Variants in ZNF395 observed in about 807,000 individuals in gnomAD.
The protein encoded by ZNF395 is zinc finger protein 395, also known as HD gene regulatory region-binding protein 2.
Under a neutral mutation model 57.7 loss-of-function variants are expected in ZNF395, and 20 were observed. The observed-to-expected ratio is 0.35, with a 90% CI of 0.24 to 0.50. The LOEUF (loss-of-function observed/expected upper bound fraction) is 0.50. Among genes scored for constraint, ZNF395 ranks in the 20% least tolerant of loss-of-function variants. The probability of loss-of-function intolerance (pLI) is 0.97; values close to 1 mark genes in which losing one functional copy is unlikely to be tolerated. For missense variants in ZNF395, 606 were observed against 671.2 expected, an observed-to-expected ratio of 0.90 and a Z score of 1.07; for synonymous variants, 295 against 275.9, an observed-to-expected ratio of 1.07 and a Z score of -0.69.
intron 1 of ZNF395, among the ~76,000 whole-genome samples, chr8:28,377,748 CTTTTTTTTTTTTT>C (rs71549661): frequency 3.0e-5 from 3 of 100,634 alleles, no homozygotes; most frequent in African/African-American, 1.4e-4. Context: ...GATGATCCCA[CTTTTTTTTTTTTT>C]TTTTTTTTTT....
At position 28,348,669 on chromosome 8, in the gene ZNF395, G is replaced by T; in HGVS notation, c.*50C>A. ...AGGGCTGGTGACACACTGGCCTCTT[G>T]TCAGTGGCTGCCGGCAGGGCCAGGA... On this transcript the variant is annotated 3_prime_UTR_variant, in exon 10 of 10. Coordinates refer to ENST00000344423, the MANE Select transcript of ZNF395 (RefSeq NM_018660.3). 1 of 1,541,390 alleles carries T rather than the reference G, an allele frequency of 6.5e-7. No individual in the cohort carries two copies. The highest frequency in any genetic ancestry group is 9.0e-7 in the Non-Finnish European group (1 of 1,114,834).
In ZNF395 at chr8:28,348,651, G is replaced by A; in HGVS notation, c.*68C>T. ...CTCTTTCGGTTTCTGCTGAGGGCTGGTGACACACTGGCCTCTTGTCAGTGG... is the reference window on the plus strand; with the variant it reads ...CTCTTTCGGTTTCTGCTGAGGGCTGATGACACACTGGCCTCTTGTCAGTGG... On this transcript the variant is annotated 3_prime_UTR_variant, in exon 10 of 10. Transcript: ENST00000344423. The A allele has an allele frequency of 7.1e-7, 1 of 1,401,936 alleles. No homozygotes were observed. Among genetic ancestry groups the A allele is most frequent in the Non-Finnish European group, 1.0e-6 (1 of 987,454 alleles). The allele number at this position is 1,401,936 out of a possible 1,614,324, so 86.8% of individuals were successfully genotyped here. A position where few individuals can be genotyped will look rare whatever the true frequency, so the allele number is the denominator to read the frequency against.
In ZNF395 at chr8:28,356,877, T is replaced by C. The variant is rs1801787155; in HGVS notation, c.474-98A>G. ...ACCACTTCTGGCTGGTTTCACACAA[T>C]CATCTTACACTTCTGGACTGTCCCC... is the stretch of plus-strand genomic sequence containing the variant. On this transcript the variant is annotated intron_variant, in intron 3 of 9. Transcript: ENST00000344423. This position sits in a 1 kb window ranked among gnomAD's most constrained non-coding sequence, Gnocchi z 4.0. 1.1e-6 allele frequency: 1 copy of C among 939,740 alleles called. No homozygotes were observed. The highest frequency in any genetic ancestry group is 1.6e-5 in the South Asian group (1 of 63,138). 58.2% of individuals were successfully genotyped at this position (939,740 alleles called of 1,614,324 possible).
intron 1 of ZNF395, among the ~76,000 whole-genome samples, chr8:28,382,100 C>T (rs962776077): frequency 2.0e-5 from 3 of 152,090 alleles, no homozygotes; most frequent in African/African-American, 4.8e-5. Flanking sequence ...CAAAGCAAAA[C>T]GCCTACAGGA....
chr8:28,370,410 A>G (rs1242224781), intron 1 of ZNF395, among the ~76,000 whole-genome samples: 1 of 152,228 alleles, frequency 6.6e-6, no homozygotes, highest in Non-Finnish European at 1.5e-5. Context: ...CTCTGGAGGA[A>G]GCCATTTAAG....
In ZNF395 at chr8:28,356,527, A is replaced by G; in HGVS notation, c.583+143T>C. 1.7e-6 allele frequency: 1 copy of G among 604,278 alleles called. No homozygotes were observed. Among genetic ancestry groups the G allele is most frequent in the Non-Finnish European group, 2.9e-6 (1 of 341,416 alleles). The allele number at this position is 604,278 out of a possible 1,614,324, so 37.4% of individuals were successfully genotyped here. On this transcript the variant is annotated intron_variant, in intron 4 of 9. Coordinates refer to ENST00000344423, the MANE Select transcript of ZNF395 (RefSeq NM_018660.3). This position sits in a 1 kb window ranked among gnomAD's most constrained non-coding sequence, Gnocchi z 4.0. ...GGAAGCATCTAACTCCATGGCATGC[A>G]GCCGGTCAGAGGTGCCAGTGGGAGG...
At chr8:28,357,941 A>C (rs1182400387) in intron 3 of ZNF395, among the ~76,000 whole-genome samples, 1 of 152,066 alleles carries the variant, frequency 6.6e-6, no homozygotes, top group Non-Finnish European at 1.5e-5. Flanking sequence ...AGAAATTAGG[A>C]TATATATTCT....
Position 28,359,664 on chromosome 8 carries a change from G to C in ZNF395, c.401C>G (p.Ala134Gly). 1 of 1,613,918 alleles carries C rather than the reference G, an allele frequency of 6.2e-7. No homozygotes were observed. The highest frequency in any genetic ancestry group is 2.2e-5 in the East Asian group (1 of 44,872). ...CTGGGCTCCGGGCTCCAGGGGTGGT[G>C]CCTGGGGACAGGGGCCCTGCAGCTC... is the stretch of plus-strand genomic sequence containing the variant. Reference protein sequence around the residue: ...LAELQGPCPQAPPLEPGAQAL... With the variant: ...LAELQGPCPQGPPLEPGAQAL... The change falls in exon 3 of 10, where the codon GCA (alanine) becomes GGA (glycine). Residue 134 changes from alanine (A) to glycine (G), a missense_variant. This residue lies in a region of ZNF395 where 309 missense variants were observed against 374.7 expected (regional missense o/e 0.82). Transcript: ENST00000344423. This position sits in a 1 kb window ranked among gnomAD's most constrained non-coding sequence, Gnocchi z 4.7.
intron 9 of ZNF395, 60 bp downstream of exon 9, chr8:28,349,065 C>A: frequency 1.3e-6 from 2 of 1,492,766 alleles, no homozygotes; most frequent in South Asian, 2.6e-5. Context: ...GGTCGGAGTC[C>A]ACGCCACTGG....
intron 1 of ZNF395, among the ~76,000 whole-genome samples, chr8:28,373,382 T>G (rs1801999554): frequency 6.6e-6 from 1 of 152,248 alleles, no homozygotes; most frequent in Non-Finnish European, 1.5e-5. Context: ...GCCAGAATCG[T>G]AAACAGTGGC....
At chr8:28,380,639 A>T (rs1802097716) in intron 1 of ZNF395, among the ~76,000 whole-genome samples, 1 of 152,230 alleles carries the variant, frequency 6.6e-6, no homozygotes, top group Non-Finnish European at 1.5e-5. Flanking sequence ...AATAAGGACC[A>T]TCATACCTCA....
At chr8:28,379,307 T>C (rs1802081824) in intron 1 of ZNF395, among the ~76,000 whole-genome samples, 1 of 152,202 alleles carries the variant, frequency 6.6e-6, no homozygotes, top group African/African-American at 2.4e-5. Flanking sequence ...TCATTAAGAC[T>C]AGATCTTATG....
intron 1 of ZNF395, among the ~76,000 whole-genome samples, chr8:28,364,743 A>G (rs1016438201): frequency 4.3e-4 from 65 of 151,956 alleles, no homozygotes; most frequent in Admixed American, 8.5e-4. Context: ...CCAGCCTGGG[A>G]GACAGGCGGA....
Position 28,356,899 on chromosome 8 carries a change from C to A in ZNF395, c.474-120G>T. The A allele has an allele frequency of 4.0e-6, 3 of 748,080 alleles. No homozygotes were observed. The highest frequency in any genetic ancestry group is 2.4e-4 in the Middle Eastern group (1 of 4,208). 46.3% of individuals were successfully genotyped at this position (748,080 alleles called of 1,614,324 possible). On this transcript the variant is annotated intron_variant, in intron 3 of 9. Transcript: ENST00000344423. The surrounding 1 kb of genome is among the most constrained non-coding windows in gnomAD (Gnocchi z 4.0). Reference sequence around the variant, plus strand: ...CAATCATCTTACACTTCTGGACTGTCCCCTCCAAGTGCCCCCAACTCCAAT... The same window carrying A: ...CAATCATCTTACACTTCTGGACTGTACCCTCCAAGTGCCCCCAACTCCAAT...
At chr8:28,374,450 C>A (rs1978676) in intron 1 of ZNF395, among the ~76,000 whole-genome samples, 4 of 151,984 alleles carry the variant, frequency 2.6e-5, no homozygotes, top group Non-Finnish European at 2.9e-5. Flanking sequence ...TACTAACTTG[C>A]GCAATGAAAT....
Position 28,349,172 on chromosome 8 carries a change from T to C in ZNF395, c.1383A>G (p.Lys461=). The C allele has an allele frequency of 6.4e-7, 1 of 1,564,522 alleles. No individual in the cohort carries two copies. Among genetic ancestry groups the C allele is most frequent in the Non-Finnish European group, 8.6e-7 (1 of 1,156,236 alleles). Residue 461 remains lysine (K), a synonymous_variant, in exon 9 of 10, where the codon AAA becomes AAG. Transcript: ENST00000344423. ...SEPQQPAPAM[K]SHLIVTSPPR... is the part of the protein sequence containing the mutation. ...GTGGAGAAGTGACGATCAGATGAGA[T>C]TTCATCGCAGGTGCTGGCTGCTGGG...
chr8:28,361,017 T>C lies in ZNF395; in HGVS notation c.108A>G (p.Pro36=). ...EGPSAAPPSE[P]LLEGAAPQPF... is the part of the protein sequence containing the mutation. ...GCTGGGGAGCGGCCCCTTCTAGCAG[T>C]GGCTCCGAGGGTGGGGCAGCCGAGG... is the stretch of plus-strand genomic sequence containing the variant. The change falls in exon 2 of 10, where the codon CCA becomes CCG. Residue 36 remains proline (P), a synonymous_variant. Coordinates refer to ENST00000344423, the MANE Select transcript of ZNF395 (RefSeq NM_018660.3). 1 of 1,610,520 alleles carries C rather than the reference T, an allele frequency of 6.2e-7. No individual in the cohort carries two copies.
chr8:28,349,702 C>A (rs1240276011), intron 8 of ZNF395, among the ~76,000 whole-genome samples: 1 of 152,222 alleles, frequency 6.6e-6, no homozygotes, highest in Admixed American at 6.5e-5. Flanking sequence ...GCCCACACAG[C>A]CTCCACATTC....
chr8:28,363,091 T>C (rs1033634893), intron 1 of ZNF395, among the ~76,000 whole-genome samples: 8 of 151,314 alleles, frequency 5.3e-5, no homozygotes, highest in Non-Finnish European at 1.0e-4. Context: ...AAGAAAAAAA[T>C]GTATACCTAA....
Sources: gnomAD v4.1 joint callset for allele counts (sites outside exome capture counted in the v4.1 genomes callset) on GRCh38, gnomAD v4.1.1 for gene constraint, gnomAD v4.1.1 regional missense constraint, Gnocchi (gnomAD v3.1) non-coding constraint, MANE v1.5 for transcripts, NCBI Gene and HGNC (gene_info 2026-07-23, HGNC 2026-07-21) for gene names.